Variants in SLIT2 observed in about 807,000 individuals in gnomAD.
SLIT2 encodes slit homolog 2 protein.
SLIT2 carries 41 observed loss-of-function variants against 185.7 expected under a neutral mutation model. The ratio of observed to expected loss-of-function variants is 0.22; its 90% CI spans 0.17 to 0.29. The LOEUF is 0.29. Among genes scored for constraint, SLIT2 ranks in the 10% least tolerant of loss-of-function variants. The pLI is 1.00. For synonymous variants in SLIT2, 693 were observed against 680.2 expected, an observed-to-expected ratio of 1.02 and a Z score of -0.29; for missense variants, 1,571 against 1,909.0, an observed-to-expected ratio of 0.82 and a Z score of 3.30.
chr4:20,268,619 C>T (rs536128559), intron 3 of SLIT2, among the ~76,000 whole-genome samples, 191 bp from the exon 4 acceptor site: 1 of 151,922 alleles, frequency 6.6e-6, no homozygotes, highest in Admixed American at 6.6e-5. Context: ...TTAGTAAGCA[C>T]AATGGAAAAC....
At position 20,617,439 on chromosome 4, in the gene SLIT2, A is replaced by T. The variant is rs774091548; in HGVS notation, c.4137A>T (p.Lys1379Asn). 1 of 1,613,590 alleles carries T rather than the reference A, an allele frequency of 6.2e-7. No homozygotes were observed. The highest frequency in any genetic ancestry group is 8.5e-7 in the Non-Finnish European group (1 of 1,179,692). ...QRTNDPCLGN[K>N]CVHGTCLPIN... ...ACTCCTGTGTTCCTCCTCCCTGTAG[A>T]TGCGTACATGGCACCTGCTTGCCCA... The change falls in exon 36 of 37, where the codon AAA (lysine) becomes AAT (asparagine). Residue 1379 changes from lysine (K) to asparagine (N), a missense_variant and splice_region_variant. Lys to Asn is a moderately conservative substitution (Grantham distance 94, BLOSUM62 0). Around this residue, in one of 3 missense-constraint regions of SLIT2, gnomAD observed 223 missense variants for 245.2 expected, o/e 0.91. Transcript: ENST00000504154.
intron 4 of SLIT2, among the ~76,000 whole-genome samples, chr4:20,337,432 T>A (rs1354552683): frequency 1.3e-5 from 2 of 151,648 alleles, no homozygotes; most frequent in African/African-American, 4.8e-5. Context: ...CCCAGTGGGA[T>A]ACCCAGCACA....
chr4:20,323,941 T>C (rs1386351088), intron 4 of SLIT2, among the ~76,000 whole-genome samples: 1 of 152,228 alleles, frequency 6.6e-6, no homozygotes, highest in Admixed American at 6.5e-5. Context: ...TGGAAGTTCA[T>C]AACATGATCC....
chr4:20,447,204 A>T (rs1362559009), intron 4 of SLIT2, among the ~76,000 whole-genome samples: 1 of 152,226 alleles, frequency 6.6e-6, no homozygotes, highest in Non-Finnish European at 1.5e-5. Flanking sequence ...TAATAATGAA[A>T]ACCCCTAAAT....
chr4:20,587,510 C>G (rs1196868522), intron 29 of SLIT2, among the ~76,000 whole-genome samples: 2 of 152,142 alleles, frequency 1.3e-5, no homozygotes, highest in Non-Finnish European at 2.9e-5. Flanking sequence ...AATCTTAAAG[C>G]TGTTGATTAG....
At chr4:20,594,674 T>C (rs1029214583) in intron 30 of SLIT2, among the ~76,000 whole-genome samples, 1 of 152,142 alleles carries the variant, frequency 6.6e-6, no homozygotes, top group Non-Finnish European at 1.5e-5. Context: ...CTTGGTATCA[T>C]AACTAGAGAT....
intron 9 of SLIT2, among the ~76,000 whole-genome samples, chr4:20,494,058 T>C (rs1299619472): frequency 6.6e-6 from 1 of 152,202 alleles, no homozygotes; most frequent in East Asian, 1.9e-4. Flanking sequence ...TGGATTTTAT[T>C]TGGAATGCAT....
chr4:20,279,755 CTT>C (rs890195195), intron 4 of SLIT2, among the ~76,000 whole-genome samples: 3 of 152,152 alleles, frequency 2.0e-5, no homozygotes, highest in African/African-American at 7.2e-5. Context: ...CATGTACTTA[CTT>C]TTTTTGCTTC....
rs565160569 is a variant in SLIT2 at position 20,564,639 on chromosome 4, A to T, written c.2726-2623A>T. ...ATAGCTAACTTTACCATTTTGGTAA[A>T]GTTGGTAGTCATGAGCTTTACCAAC... On this transcript the variant is annotated intron_variant, in intron 26 of 36. Transcript: ENST00000504154. 1.3e-3 allele frequency among the ~76,000 whole-genome samples: 196 copies of T among 152,092 alleles called. 3 individuals are homozygous for T. The South Asian group carries it at 0.04, about 31-fold the overall frequency.
At chr4:20,299,748 A>G (rs899191774) in intron 4 of SLIT2, among the ~76,000 whole-genome samples, 39 of 151,550 alleles carry the variant, frequency 2.6e-4, no homozygotes, top group Admixed American at 1.3e-3. Flanking sequence ...TCCATATTCT[A>G]TTGAGATTTC....
rs1303096880 is a variant in SLIT2, at chr4:20,616,801, T to TCCCTACCAC, written c.3848-107_3848-106insCTACCACCC. 2.5e-4 allele frequency: 302 copies of TCCCTACCAC among 1,223,048 alleles called. 5 individuals carry two copies. In the South Asian group the frequency reaches 4.2e-3, roughly 17 times the overall value. The allele number at this position is 1,223,048 out of a possible 1,614,324, so 75.8% of individuals were successfully genotyped here. On this transcript the variant is annotated intron_variant, in intron 34 of 36. Coordinates refer to ENST00000504154, the MANE Select transcript of SLIT2 (RefSeq NM_004787.4). Reference sequence around the variant, plus strand: ...ACTTCCCTACCACCCTGCCCAAATATCCTGCCATAATAGGTTGGCAGTGAG... The same window carrying TCCCTACCAC: ...ACTTCCCTACCACCCTGCCCAAATATCCCTACCACCCTGCCATAATAGGTTGGCAGTGAG...
At chr4:20,343,559 C>T (rs1359357112) in intron 4 of SLIT2, among the ~76,000 whole-genome samples, 14 of 151,634 alleles carry the variant, frequency 9.2e-5, no homozygotes, top group Admixed American at 4.6e-4. Context: ...TGGAGGGCAC[C>T]GACAGCATCA....
intron 4 of SLIT2, among the ~76,000 whole-genome samples, chr4:20,304,685 A>G (rs1717370017): frequency 6.6e-6 from 1 of 152,086 alleles, no homozygotes; most frequent in Non-Finnish European, 1.5e-5. Context: ...ATGAAGGAAA[A>G]TGGAGATGCA....
At chr4:20,404,829 A>G (rs1159836235) in intron 4 of SLIT2, among the ~76,000 whole-genome samples, 1 of 152,076 alleles carries the variant, frequency 6.6e-6, no homozygotes, top group Non-Finnish European at 1.5e-5. Flanking sequence ...TCATTACAGT[A>G]TCTTGTAAAG....
In SLIT2 at chr4:20,472,564, CTA is replaced by C. The variant is rs1553908801; in HGVS notation, c.467+4748_467+4749del. On this transcript the variant is annotated intron_variant, in intron 5 of 36. Transcript: ENST00000504154. ...TCTATATCTATATATAGATATATAT[CTA>C]TATATAGATATATCTATATATAGAT... Among the ~76,000 whole-genome samples, 5 of 4,660 alleles carry C rather than the reference CTA, an allele frequency of 1.1e-3. 2 individuals are homozygous for C. In the Admixed American group the frequency reaches 0.022, roughly 21 times the overall value. 3.1% of individuals were successfully genotyped at this position (4,660 alleles called of 152,430 possible). A position where few individuals can be genotyped will look rare whatever the true frequency, so the allele number is the denominator to read the frequency against.
chr4:20,485,912 A>G (rs1717188483), intron 6 of SLIT2, among the ~76,000 whole-genome samples: 1 of 152,218 alleles, frequency 6.6e-6, no homozygotes, highest in Non-Finnish European at 1.5e-5. Context: ...AATATCCTAA[A>G]TAGACATGCA....
chr4:20,262,122 T>C (rs1181323563), intron 3 of SLIT2, among the ~76,000 whole-genome samples: 1 of 151,882 alleles, frequency 6.6e-6, no homozygotes, highest in African/African-American at 2.4e-5. Flanking sequence ...AAAGAACATA[T>C]TCTTTTTAAA....
intron 3 of SLIT2, among the ~76,000 whole-genome samples, chr4:20,261,256 A>G (rs1315342217): frequency 1.3e-5 from 2 of 151,812 alleles, no homozygotes; most frequent in Non-Finnish European, 3.0e-5. Context: ...AATGAAATGT[A>G]CTCTACCTAG....
intron 4 of SLIT2, chr4:20,394,781 A>G (rs563428897): frequency 6.6e-6 from 1 of 152,244 alleles, no homozygotes; most frequent in East Asian, 1.9e-4. Flanking sequence ...TTGAAAAGAC[A>G]TTTGTATACT....
Sources: allele counts gnomAD v4.1 joint callset (sites outside exome capture counted in the v4.1 genomes callset), GRCh38; gene constraint gnomAD v4.1.1; regional missense constraint gnomAD v4.1.1; transcripts MANE v1.5; gene names NCBI Gene and HGNC (gene_info 2026-07-23, HGNC 2026-07-21).